Variants in ADGB observed in about 807,000 individuals in gnomAD.
The protein encoded by ADGB is calpain-7-like protein.
In ADGB, 172 loss-of-function variants were observed where a neutral mutation model predicts 210.5. The ratio of observed to expected loss-of-function variants is 0.82; its 90% CI spans 0.72 to 0.93. The LOEUF (loss-of-function observed/expected upper bound fraction) is 0.93, where lower values mean the gene tolerates loss of function less well. Among genes scored for constraint, ADGB ranks in the 40% least tolerant of loss-of-function variants. The pLI is 0.00. For synonymous variants in ADGB, 658 were observed against 662.7 expected (o/e 0.99, Z 0.11); for missense variants, 2,025 against 1,964.8 (o/e 1.03, Z -0.58).
chr6:146,756,472 C>G (rs543187083), intron 27 of ADGB, among the ~76,000 whole-genome samples: 2 of 152,100 alleles, frequency 1.3e-5, no homozygotes, highest in South Asian at 4.2e-4. Flanking sequence ...TGAAATCTCT[C>G]TGTGTTTTTC....
chr6:146,682,612 C>G (rs6915203), intron 9 of ADGB, among the ~76,000 whole-genome samples: 118,410 of 152,072 alleles, frequency 0.78, 46,956 homozygotes, highest in African/African-American at 0.93. Flanking sequence ...CTGTACCATT[C>G]ATAGTTCACT....
chr6:146,666,394 C>G (rs900521815), intron 6 of ADGB, among the ~76,000 whole-genome samples: 2 of 151,874 alleles, frequency 1.3e-5, no homozygotes, highest in Non-Finnish European at 2.9e-5. Context: ...TCTTGACTTG[C>G]CATAGATGAG....
Position 146,811,886 on chromosome 6 carries a change from G to A in ADGB, c.4819-3146G>A, listed in dbSNP as rs538651671. ...AGACGGGGCTTCACCATGTTGGTCA[G>A]GCTGATCTCGAACTCCTGACCTCAT... On this transcript the variant is annotated intron_variant, in intron 35 of 35. Coordinates refer to ENST00000397944, the MANE Select transcript of ADGB (RefSeq NM_024694.4). Among the ~76,000 whole-genome samples the A allele has an allele frequency of 5.9e-5, 9 of 152,192 alleles. No individual in the cohort carries two copies. The East Asian group carries it at 1.7e-3, about 29-fold the overall frequency.
intron 1 of ADGB, among the ~76,000 whole-genome samples, chr6:146,603,330 C>T (rs1780587099): frequency 6.6e-6 from 1 of 152,154 alleles, no homozygotes; most frequent in Non-Finnish European, 1.5e-5. Context: ...AAAATTTGAT[C>T]TTCTTGGAAG....
At chr6:146,777,078 C>T (rs1219652847) in intron 29 of ADGB, among the ~76,000 whole-genome samples, 1 of 151,684 alleles carries the variant, frequency 6.6e-6, no homozygotes, top group Non-Finnish European at 1.5e-5. Flanking sequence ...GTTTGTCCCC[C>T]AATTTGAAAG....
chr6:146,724,332 G>T lies in ADGB; in HGVS notation c.2237+5G>T. 2.7e-6 allele frequency: 4 copies of T among 1,503,796 alleles called. No homozygotes were observed. Among genetic ancestry groups the T allele is most frequent in the South Asian group, 1.3e-5 (1 of 76,476 alleles). The allele number at this position is 1,503,796 out of a possible 1,614,324, so 93.2% of individuals were successfully genotyped here. A position where few individuals can be genotyped will look rare whatever the true frequency, so the allele number is the denominator to read the frequency against. On this transcript the variant is annotated splice_donor_5th_base_variant and intron_variant, in intron 18 of 35. Transcript: ENST00000397944. ...AGTGGTTCGTCTGCCTGTTGGGTAT[G>T]AAGTGGCTTCATTTTTCCCATAATA...
At chr6:146,651,891 G>T (rs1442270753) in intron 3 of ADGB, among the ~76,000 whole-genome samples, 3 of 152,120 alleles carry the variant, frequency 2.0e-5, no homozygotes, top group Non-Finnish European at 4.4e-5. Flanking sequence ...TTGAAGCTAA[G>T]CTACTCGATT....
At chr6:146,640,649 A>G (rs1268152512) in intron 2 of ADGB, among the ~76,000 whole-genome samples, 1 of 152,184 alleles carries the variant, frequency 6.6e-6, no homozygotes, top group South Asian at 2.1e-4. Flanking sequence ...AAACAAAACT[A>G]AAGACAAAAA....
chr6:146,676,334 T>C lies in ADGB; in HGVS notation c.1109T>C (p.Ile370Thr). ...VPKEKADARD[I>T]GKKRSKDGEK... ...TTAGAGAAAGCAGATGCAAGAGACATTGGAAAGAAGAGAAGCAAAGATGGA... is the reference window on the plus strand; with the variant it reads ...TTAGAGAAAGCAGATGCAAGAGACACTGGAAAGAAGAGAAGCAAAGATGGA... Residue 370 changes from isoleucine to threonine, a missense_variant, in exon 9 of 36, where the codon ATT (isoleucine) becomes ACT (threonine). Ile to Thr is a moderately conservative substitution (Grantham distance 89). Transcript: ENST00000397944. The C allele has an allele frequency of 6.5e-7, 1 of 1,548,470 alleles. No individual in the cohort carries two copies. Among genetic ancestry groups the C allele is most frequent in the Non-Finnish European group, 8.7e-7 (1 of 1,145,406 alleles).
intron 1 of ADGB, among the ~76,000 whole-genome samples, chr6:146,601,296 T>A (rs1210487489): frequency 6.6e-6 from 1 of 152,202 alleles, no homozygotes; most frequent in East Asian, 1.9e-4. Context: ...AATAAAAATG[T>A]ATGCATACAT....
Position 146,724,198 on chromosome 6 carries a change from A to T in ADGB, c.2108A>T (p.Asp703Val), listed in dbSNP as rs1043420451. ...ACTTATCTTAAAGCCTTAACAAAAG[A>T]CAGTCCTCCCATAGAGCCTGGACTT... ...RWGEYGALTK[D>V]SPPIEPGLLT... Residue 703 changes from aspartate to valine, a missense_variant, in exon 18 of 36, where the codon GAC becomes GTC. Physicochemically the swap from Asp to Val is radical, Grantham distance 152. Transcript: ENST00000397944. The T allele has an allele frequency of 6.5e-7, 1 of 1,547,446 alleles. No individual in the cohort carries two copies. Among genetic ancestry groups the T allele is most frequent in the Admixed American group, 2.0e-5 (1 of 49,444 alleles).
intron 22 of ADGB, among the ~76,000 whole-genome samples, chr6:146,735,038 TA>T (rs11385067): frequency 1.3e-4 from 19 of 149,880 alleles, no homozygotes; most frequent in Admixed American, 2.0e-4. Context: ...AACTTTCTTG[TA>T]AAAAAAAAAG....
chr6:146,717,203 A>C, intron 15 of ADGB, 134 bp downstream of exon 15: 2 of 713,304 alleles, frequency 2.8e-6, no homozygotes, highest in South Asian at 5.1e-5. Context: ...AATTCTTAGC[A>C]TCATCCAAAA....
At chr6:146,647,488 T>C (rs1039670873) in intron 3 of ADGB, among the ~76,000 whole-genome samples, 6 of 151,966 alleles carry the variant, frequency 3.9e-5, no homozygotes, top group African/African-American at 1.4e-4. Context: ...ATGAGTATAG[T>C]AGGGGAATAC....
intron 21 of ADGB, among the ~76,000 whole-genome samples, chr6:146,733,492 T>C (rs1222201159): frequency 6.6e-6 from 1 of 152,142 alleles, no homozygotes; most frequent in Non-Finnish European, 1.5e-5. Context: ...CCTGTTTTAT[T>C]TACTCCTAAC....
At chr6:146,639,899 A>G (rs2114864020) in intron 2 of ADGB, 1 of 152,156 alleles carries the variant, frequency 6.6e-6, no homozygotes, top group Admixed American at 6.6e-5. Context: ...GCAGAAGACG[A>G]GAAATAATGA....
intron 28 of ADGB, among the ~76,000 whole-genome samples, 169 bp from the exon 29 acceptor site, chr6:146,768,851 T>A (rs1583630344): frequency 6.6e-6 from 1 of 152,186 alleles, no homozygotes; most frequent in Non-Finnish European, 1.5e-5. Context: ...TAAACTTTTA[T>A]AAAGTGTAGC....
intron 7 of ADGB, among the ~76,000 whole-genome samples, chr6:146,671,987 T>A (rs562672583): frequency 6.6e-6 from 1 of 152,258 alleles, no homozygotes; most frequent in South Asian, 2.1e-4. Context: ...ATCTCTGAGA[T>A]AACACCATGG....
At chr6:146,734,064 G>A (rs755999682) in intron 22 of ADGB, 34 bp downstream of exon 22, 1 of 1,539,094 alleles carries the variant, frequency 6.5e-7, no homozygotes. Flanking sequence ...AAATGAACTT[G>A]TTTGTATAAG....
Sources: gnomAD v4.1 joint callset for allele counts (sites outside exome capture counted in the v4.1 genomes callset) on GRCh38, gnomAD v4.1.1 for gene constraint, MANE v1.5 for transcripts, NCBI Gene and HGNC (gene_info 2026-07-23, HGNC 2026-07-21) for gene names.